QRFPR: variants seen among roughly 807,000 people sequenced by gnomAD.
QRFPR encodes the protein pyroglutamylated RF-amide peptide receptor.
QRFPR carries 37 observed loss-of-function variants against 31.3 expected under a neutral mutation model. That is an observed-to-expected ratio of 1.18 (90% CI 0.91 to 1.56). QRFPR has a LOEUF of 1.56. Among genes scored for constraint, QRFPR ranks in the 40% most tolerant of loss-of-function variants. QRFPR has a pLI of 0.00. For synonymous variants in QRFPR, 197 were observed against 192.0 expected, an observed-to-expected ratio of 1.03 and a Z score of -0.22; for missense variants, 542 against 532.5, an observed-to-expected ratio of 1.02 and a Z score of -0.18.
chr4:121,332,870 C>A lies in QRFPR; in HGVS notation c.748G>T (p.Gly250Cys), dbSNP rs116679707. 1,405 of 1,614,056 alleles carry A rather than the reference C, an allele frequency of 8.7e-4. 15 individuals carry two copies. In the African/African-American group the frequency reaches 0.017, roughly 20 times the overall value. The change falls in exon 4 of 6, where the codon GGT becomes TGT. Residue 250 changes from glycine (G) to cysteine (C), a missense_variant. Coordinates refer to ENST00000394427, the MANE Select transcript of QRFPR (RefSeq NM_198179.3). Reference protein sequence around the residue: ...ELWIKKRVGDGSVLRTIHGKE... With the variant: ...ELWIKKRVGDCSVLRTIHGKE... ...CCATGAATAGTTCGAAGCACTGAAC[C>A]ATCCCCAACTCTTTTCTTTATCCAA...
At chr4:121,336,017 C>T (rs1279509983) in intron 3 of QRFPR, among the ~76,000 whole-genome samples, 1 of 152,146 alleles carries the variant, frequency 6.6e-6, no homozygotes, top group African/African-American at 2.4e-5. Flanking sequence ...TTTTAATGTT[C>T]TCTTATCTTA....
intron 1 of QRFPR, among the ~76,000 whole-genome samples, chr4:121,359,825 A>G (rs557925844): frequency 4.2e-4 from 64 of 151,204 alleles, no homozygotes; most frequent in African/African-American, 1.3e-3. Context: ...GTGTATATAT[A>G]TATCTCTCTC....
intron 1 of QRFPR, among the ~76,000 whole-genome samples, chr4:121,375,031 G>T (rs1234749573): frequency 6.6e-6 from 1 of 152,060 alleles, no homozygotes; most frequent in African/African-American, 2.4e-5. Flanking sequence ...ACAGAACCCA[G>T]CAGGATCCTA....
chr4:121,364,477 A>C (rs1395508075), intron 1 of QRFPR, among the ~76,000 whole-genome samples: 2 of 148,906 alleles, frequency 1.3e-5, no homozygotes, highest in Non-Finnish European at 3.0e-5. Context: ...TCTACTAAAA[A>C]TACAAAAACA....
chr4:121,376,330 G>A (rs1268773391), intron 1 of QRFPR, among the ~76,000 whole-genome samples: 1 of 152,184 alleles, frequency 6.6e-6, no homozygotes, highest in Non-Finnish European at 1.5e-5. Flanking sequence ...GTGGATGAAA[G>A]GAATTGAATG....
chr4:121,340,753 T>A (rs1725528215), intron 1 of QRFPR, 143 bp from the exon 2 acceptor site: 1 of 711,282 alleles, frequency 1.4e-6, no homozygotes, highest in Non-Finnish European at 2.3e-6. Flanking sequence ...AGACACAAAA[T>A]AATTGAAAAA....
chr4:121,340,290 T>C (rs1276360934), intron 2 of QRFPR, 162 bp downstream of exon 2: 5 of 701,272 alleles, frequency 7.1e-6, no homozygotes, highest in Non-Finnish European at 9.7e-6. Context: ...AGAGAGATGG[T>C]GTGGAGATGA....
chr4:121,350,934 G>A (rs776280156), intron 1 of QRFPR, among the ~76,000 whole-genome samples: 1 of 152,066 alleles, frequency 6.6e-6, no homozygotes, highest in Non-Finnish European at 1.5e-5. Context: ...TCCCTTCTAT[G>A]ATTAACCATT....
chr4:121,340,321 G>T lies in QRFPR; in HGVS notation c.499+131C>A, dbSNP rs762437582. 3 of 1,008,988 alleles carry T rather than the reference G, an allele frequency of 3.0e-6. No individual in the cohort carries two copies. The East Asian group carries it at 7.9e-5, about 27-fold the overall frequency. 62.5% of individuals were successfully genotyped at this position (1,008,988 alleles called of 1,614,324 possible). A position where few individuals can be genotyped will look rare whatever the true frequency, so the allele number is the denominator to read the frequency against. On this transcript the variant is annotated intron_variant, in intron 2 of 5. Coordinates refer to ENST00000394427, the MANE Select transcript of QRFPR (RefSeq NM_198179.3). Reference sequence around the variant, plus strand: ...GATGAAGGCAAACAGGGAAAGCACTGAAACTCTCAAATTATATTCCAATGC... The same window carrying T: ...GATGAAGGCAAACAGGGAAAGCACTTAAACTCTCAAATTATATTCCAATGC...
chr4:121,333,015 G>C lies in QRFPR; in HGVS notation c.603C>G (p.Cys201Trp), dbSNP rs1725362296. 6.2e-7 allele frequency: 1 copy of C among 1,613,742 alleles called. No individual in the cohort carries two copies. The highest frequency in any genetic ancestry group is 1.1e-5 in the South Asian group (1 of 91,046). ...GCACAGGGCTGGTCCACTCTTCTAA[G>C]CAGCAGATGTGTTCCTTTTCATATA... ...DFLYEKEHICCLEEWTSPVHQ... is the reference protein window; with the variant it reads ...DFLYEKEHICWLEEWTSPVHQ... Residue 201 changes from cysteine (C) to tryptophan (W), a missense_variant, in exon 4 of 6, where the codon TGC becomes TGG. Physicochemically the swap from Cys to Trp is radical, Grantham distance 215. Transcript: ENST00000394427.
rs566145007 is a variant in QRFPR at position 121,328,943 on chromosome 4, A to G, written c.*371T>C. The stretch of plus-strand genomic sequence containing the variant: ...GCTAATTTTTGTATTTTTAGCAGAG[A>G]TGGGGTTTCACCGTGTTAGCCAGGA... On this transcript the variant is annotated 3_prime_UTR_variant, in exon 6 of 6. Coordinates refer to ENST00000394427, the MANE Select transcript of QRFPR (RefSeq NM_198179.3). 1.3e-5 allele frequency: 2 copies of G among 155,342 alleles called. No homozygotes were observed. The highest frequency in any genetic ancestry group is 4.0e-4 in the South Asian group (2 of 4,978). The allele number at this position is 155,342 out of a possible 1,614,324, so 9.6% of individuals were successfully genotyped here.
rs139685422 is a variant in QRFPR, at chr4:121,332,987, G to C, written c.631C>G (p.Gln211Glu). 493 of 1,581,994 alleles carry C rather than the reference G, an allele frequency of 3.1e-4. No individual in the cohort carries two copies. Among genetic ancestry groups the C allele is most frequent in the Middle Eastern group, 1.5e-3 (9 of 5,978 alleles). Residue 211 changes from glutamine (Q) to glutamate (E), a missense_variant, in exon 4 of 6, where the codon CAG becomes GAG. Coordinates refer to ENST00000394427, the MANE Select transcript of QRFPR (RefSeq NM_198179.3). The part of the protein sequence containing the change: ...CLEEWTSPVH[Q>E]KIYTTFILVI... ...AGGATGAAGGTGGTGTAGATCTTCT[G>C]GTGCACAGGGCTGGTCCACTCTTCT...
At chr4:121,348,132 A>C (rs1725692771) in intron 1 of QRFPR, among the ~76,000 whole-genome samples, 1 of 152,158 alleles carries the variant, frequency 6.6e-6, no homozygotes, top group South Asian at 2.1e-4. Context: ...CTGAGTTTGA[A>C]TCATGGGTCC....
intron 1 of QRFPR, among the ~76,000 whole-genome samples, chr4:121,348,925 A>G (rs1452673631): frequency 6.6e-6 from 1 of 151,996 alleles, no homozygotes; most frequent in Admixed American, 6.6e-5. Context: ...GTGAAAGCCC[A>G]TCTCTACTAA....
chr4:121,329,315 T>G lies in QRFPR; in HGVS notation c.1295A>C (p.Ter432SerextTer2). The G allele has an allele frequency of 1.3e-6, 2 of 1,596,648 alleles. No individual in the cohort carries two copies. Among genetic ancestry groups the G allele is most frequent in the Non-Finnish European group, 1.7e-6 (2 of 1,171,954 alleles). ...AENSPLDSGH[*>S] ...TTAATTATGAAGATATTGTTATAATTAATGCCCACTGTCTAAAGGAGAATT... is the reference window on the plus strand; with the variant it reads ...TTAATTATGAAGATATTGTTATAATGAATGCCCACTGTCTAAAGGAGAATT... Residue 432 changes from the stop codon to serine (S), a stop_lost, in exon 6 of 6, where the codon TAA becomes TCA. Coordinates refer to ENST00000394427, the MANE Select transcript of QRFPR (RefSeq NM_198179.3).
chr4:121,330,403 A>G, intron 5 of QRFPR, 23 bp downstream of exon 5: 1 of 1,490,194 alleles, frequency 6.7e-7, no homozygotes, highest in Non-Finnish European at 9.4e-7. Flanking sequence ...AATGTCTATC[A>G]AATGAGAATG....
chr4:121,362,045 T>A (rs1726002647), intron 1 of QRFPR, among the ~76,000 whole-genome samples: 1 of 150,324 alleles, frequency 6.7e-6, no homozygotes, highest in African/African-American at 2.5e-5. Context: ...TCTGCAATAT[T>A]CTATATTGCT....
At chr4:121,348,129 T>G (rs1486677829) in intron 1 of QRFPR, among the ~76,000 whole-genome samples, 1 of 152,162 alleles carries the variant, frequency 6.6e-6, no homozygotes, top group Non-Finnish European at 1.5e-5. Context: ...TGTCTGAGTT[T>G]GAATCATGGG....
At chr4:121,340,727 A>C in intron 1 of QRFPR, 117 bp from the exon 2 acceptor site, 1 of 864,042 alleles carries the variant, frequency 1.2e-6, no homozygotes, top group Non-Finnish European at 1.7e-6. Context: ...AAGTTTGATA[A>C]TTGTAATTAC....
Sources: gnomAD v4.1 joint callset for allele counts (sites outside exome capture counted in the v4.1 genomes callset) on GRCh38, gnomAD v4.1.1 for gene constraint, MANE v1.5 for transcripts, NCBI Gene and HGNC (gene_info 2026-07-23, HGNC 2026-07-21) for gene names.